The following KCNAB1 variants were observed in gnomAD, a reference collection of about 807,000 sequenced individuals.
KCNAB1 encodes potassium voltage-gated channel subfamily A regulatory beta subunit 1, also known as voltage-gated potassium channel subunit beta-1.
A neutral mutation model predicts 64.6 loss-of-function variants in KCNAB1; 35 were observed. The observed-to-expected ratio is 0.54, with a 90% CI of 0.41 to 0.72. The LOEUF (loss-of-function observed/expected upper bound fraction) is 0.72. KCNAB1 is among the 30% of genes least tolerant of loss of function. The pLI, the probability that KCNAB1 is intolerant of heterozygous loss-of-function variation, is 0.00. For synonymous variants in KCNAB1, 177 were observed against 183.8 expected, an observed-to-expected ratio of 0.96 and a Z score of 0.30; for missense variants, 401 against 512.9, an observed-to-expected ratio of 0.78 and a Z score of 2.11.
intron 1 of KCNAB1, among the ~76,000 whole-genome samples, chr3:156,230,978 C>G (rs1237842568): frequency 6.6e-6 from 1 of 152,156 alleles, no homozygotes; most frequent in African/African-American, 2.4e-5. Context: ...AGAAAACTGC[C>G]TTTTACTCTT....
In KCNAB1 at chr3:156,176,254, C is replaced by A. The variant is rs1424624474; in HGVS notation, c.275+55368C>A. The A allele has an allele frequency of 4.7e-6, 4 of 844,536 alleles. No individual in the cohort carries two copies. In the African/African-American group the frequency reaches 5.0e-5, roughly 10 times the overall value. 52.3% of individuals were successfully genotyped at this position (844,536 alleles called of 1,614,324 possible). On this transcript the variant is annotated intron_variant, in intron 1 of 13. Transcript: ENST00000490337. ...CATGGTGTAGGTTAGTTTGTTCTGG[C>A]ACAGGTCCCAGACCTTGATATCATT... is the stretch of plus-strand genomic sequence containing the variant.
intron 1 of KCNAB1, among the ~76,000 whole-genome samples, chr3:156,379,217 A>G (rs1401157368): frequency 3.9e-5 from 6 of 152,202 alleles, no homozygotes; most frequent in Non-Finnish European, 7.3e-5. Context: ...TAACAAATAT[A>G]TACTGGGGCC....
At chr3:156,334,321 C>T (rs1723538385) in intron 1 of KCNAB1, among the ~76,000 whole-genome samples, 1 of 152,162 alleles carries the variant, frequency 6.6e-6, no homozygotes, top group South Asian at 2.1e-4. Flanking sequence ...ATTTATCTCC[C>T]TGGCTCTAAG....
intron 12 of KCNAB1, among the ~76,000 whole-genome samples, chr3:156,527,247 A>C (rs923257921): frequency 2.2e-4 from 33 of 152,316 alleles, no homozygotes; most frequent in African/African-American, 7.9e-4. Context: ...CAAGTTACTT[A>C]ACCTGGTAAC....
At chr3:156,532,207 G>A (rs1024211833) in intron 13 of KCNAB1, among the ~76,000 whole-genome samples, 1 of 152,160 alleles carries the variant, frequency 6.6e-6, no homozygotes, top group Non-Finnish European at 1.5e-5. Context: ...ACTGGTCCAG[G>A]GCACTAGATG....
intron 1 of KCNAB1, among the ~76,000 whole-genome samples, chr3:156,245,974 TAA>T (rs5853746): frequency 1.5e-4 from 23 of 150,868 alleles, no homozygotes; most frequent in East Asian, 5.8e-4. Flanking sequence ...TCAATATTGG[TAA>T]AAAAAAAAAG....
chr3:156,181,962 C>G (rs1712846441), intron 1 of KCNAB1, among the ~76,000 whole-genome samples: 1 of 152,054 alleles, frequency 6.6e-6, no homozygotes, highest in African/African-American at 2.4e-5. Flanking sequence ...AAAGTTTTAC[C>G]AGGAAAGAAA....
At position 156,537,395 on chromosome 3, in the gene KCNAB1, T is replaced by A; in HGVS notation, c.*648T>A. On this transcript the variant is annotated 3_prime_UTR_variant, in exon 14 of 14. Coordinates refer to ENST00000490337, the MANE Select transcript of KCNAB1 (RefSeq NM_172160.3). ...CAAAAATTTCTAGGTATTTGCTTTATTACCTTTCAAATATTTACTGTTGCT... is the reference window on the plus strand; with the variant it reads ...CAAAAATTTCTAGGTATTTGCTTTAATACCTTTCAAATATTTACTGTTGCT... 1 of 202,320 alleles carries A rather than the reference T, an allele frequency of 4.9e-6. No homozygotes were observed. The highest frequency in any genetic ancestry group is 2.3e-5 in the African/African-American group (1 of 43,726). 12.5% of individuals were successfully genotyped at this position (202,320 alleles called of 1,614,324 possible).
intron 2 of KCNAB1, among the ~76,000 whole-genome samples, chr3:156,432,712 A>G (rs1366691163): frequency 1.3e-5 from 2 of 152,048 alleles, no homozygotes; most frequent in East Asian, 3.8e-4. Context: ...CTCCCTTCCC[A>G]TATCTCCACC....
At chr3:156,244,044 C>A (rs1284318831) in intron 1 of KCNAB1, among the ~76,000 whole-genome samples, 2 of 152,216 alleles carry the variant, frequency 1.3e-5, no homozygotes, top group African/African-American at 4.8e-5. Flanking sequence ...CCCACATACT[C>A]CATCCACACC....
chr3:156,427,779 A>G (rs1413126602), intron 2 of KCNAB1, among the ~76,000 whole-genome samples: 1 of 152,180 alleles, frequency 6.6e-6, no homozygotes, highest in Non-Finnish European at 1.5e-5. Context: ...CCACATACAC[A>G]GGTGATATGG....
At chr3:156,445,498 T>TC (rs1457812090) in intron 2 of KCNAB1, among the ~76,000 whole-genome samples, 1 of 152,126 alleles carries the variant, frequency 6.6e-6, no homozygotes, top group Non-Finnish European at 1.5e-5. Flanking sequence ...ACCATTTATA[T>TC]CCCCCCAGGA....
At chr3:156,273,357 C>A (rs745922810) in intron 1 of KCNAB1, among the ~76,000 whole-genome samples, 2 of 152,156 alleles carry the variant, frequency 1.3e-5, no homozygotes, top group Non-Finnish European at 2.9e-5. Flanking sequence ...AGCACTTTAC[C>A]CCCTGGCAGT....
At chr3:156,423,173 G>A (rs531667575) in intron 2 of KCNAB1, among the ~76,000 whole-genome samples, 1 of 152,334 alleles carries the variant, frequency 6.6e-6, no homozygotes, top group African/African-American at 2.4e-5. Flanking sequence ...GCAGAGAAAT[G>A]GAGTGGCACT....
chr3:156,531,003 G>A (rs1046959882), intron 12 of KCNAB1, among the ~76,000 whole-genome samples: 3 of 152,124 alleles, frequency 2.0e-5, no homozygotes, highest in African/African-American at 7.2e-5. Context: ...AAAGCAAAAA[G>A]GCCTTAAGCC....
chr3:156,309,184 A>T (rs1265567432), intron 1 of KCNAB1, among the ~76,000 whole-genome samples: 2 of 152,220 alleles, frequency 1.3e-5, no homozygotes. Context: ...TCAGTTTTTT[A>T]AAAATAAAAA....
intron 1 of KCNAB1, among the ~76,000 whole-genome samples, chr3:156,346,587 A>G (rs1023576209): frequency 6.6e-6 from 1 of 152,222 alleles, no homozygotes; most frequent in Non-Finnish European, 1.5e-5. Context: ...TATAATCAGG[A>G]GAAAACTTAT....
At chr3:156,393,451 C>T (rs2108173130) in intron 1 of KCNAB1, among the ~76,000 whole-genome samples, 1 of 152,314 alleles carries the variant, frequency 6.6e-6, no homozygotes, top group Admixed American at 6.5e-5. Flanking sequence ...GGTCTCACTT[C>T]TTCTGTATAC....
chr3:156,164,905 GA>G (rs1374237403), intron 1 of KCNAB1, among the ~76,000 whole-genome samples: 1 of 152,196 alleles, frequency 6.6e-6, no homozygotes, highest in Non-Finnish European at 1.5e-5. Flanking sequence ...AGGAAGAATT[GA>G]AAAGCTGTAC....
Sources: gnomAD v4.1 joint callset for allele counts (sites outside exome capture counted in the v4.1 genomes callset) on GRCh38, gnomAD v4.1.1 for gene constraint, MANE v1.5 for transcripts, NCBI Gene and HGNC (gene_info 2026-07-23, HGNC 2026-07-21) for gene names.